The following PFDN1 variants were observed in gnomAD, a reference collection of about 807,000 sequenced individuals.
The protein encoded by PFDN1 is prefoldin 1.
Under a neutral mutation model 17.3 loss-of-function variants are expected in PFDN1, and 6 were observed. That is an observed-to-expected ratio of 0.35 (90% confidence interval 0.19 to 0.69). The LOEUF is 0.69. Among genes scored for constraint, PFDN1 ranks in the 30% least tolerant of loss-of-function variants. The pLI, the probability that PFDN1 is intolerant of heterozygous loss-of-function variation, is 0.65. For synonymous variants in PFDN1, 58 were observed against 50.1 expected, an observed-to-expected ratio of 1.16 and a Z score of -0.67; for missense variants, 113 against 146.2, an observed-to-expected ratio of 0.77 and a Z score of 1.17.
Position 140,263,747 on chromosome 5 carries a change from C to A in PFDN1, c.286-17690G>T, listed in dbSNP as rs938688560. On this transcript the variant is annotated intron_variant, in intron 3 of 3. Transcript: ENST00000261813. ...TACAATCATGGTAGAAGGAGCCGGG[C>A]GTGGTGGCTCATGCCTGTAATCCCA... is the stretch of plus-strand genomic sequence containing the variant. 2.6e-5 allele frequency among the ~76,000 whole-genome samples: 4 copies of A among 151,902 alleles called. No homozygotes were observed. In the East Asian group the frequency reaches 7.7e-4, roughly 29 times the overall value.
At chr5:140,294,151 T>C (rs1441942973) in intron 2 of PFDN1, among the ~76,000 whole-genome samples, 3 of 152,086 alleles carry the variant, frequency 2.0e-5, no homozygotes, top group Non-Finnish European at 2.9e-5. Flanking sequence ...AAATTGGCAT[T>C]TGCAATGTGA....
intron 3 of PFDN1, among the ~76,000 whole-genome samples, chr5:140,252,596 T>C (rs1764929131): frequency 6.6e-6 from 1 of 152,144 alleles, no homozygotes; most frequent in Non-Finnish European, 1.5e-5. Flanking sequence ...AAAGCCTCAC[T>C]AATTCTCGTG....
At chr5:140,270,370 G>C (rs1318032460) in intron 3 of PFDN1, among the ~76,000 whole-genome samples, 2 of 152,120 alleles carry the variant, frequency 1.3e-5, no homozygotes, top group Non-Finnish European at 2.9e-5. Context: ...GGATAGTTGG[G>C]TATGGGGACA....
chr5:140,253,928 T>C (rs1465966671), intron 3 of PFDN1, among the ~76,000 whole-genome samples: 2 of 152,212 alleles, frequency 1.3e-5, no homozygotes, highest in East Asian at 1.9e-4. Context: ...CCAGAAACCC[T>C]GGGGATGGAC....
At chr5:140,255,539 T>C (rs1764973537) in intron 3 of PFDN1, among the ~76,000 whole-genome samples, 1 of 152,158 alleles carries the variant, frequency 6.6e-6, no homozygotes. Flanking sequence ...CTCAGAAGGC[T>C]AAGGCAGGAG....
intron 1 of PFDN1, among the ~76,000 whole-genome samples, chr5:140,301,824 T>C (rs979118593): frequency 6.6e-6 from 1 of 152,206 alleles, no homozygotes; most frequent in African/African-American, 2.4e-5. Context: ...ATTTTTAGAA[T>C]GCACAATTTT....
chr5:140,246,414 G>A (rs534147178), intron 3 of PFDN1, among the ~76,000 whole-genome samples: 64 of 152,230 alleles, frequency 4.2e-4, no homozygotes, highest in Non-Finnish European at 7.5e-4. Context: ...GCTCCTGTCC[G>A]TAACAGACTA....
intron 3 of PFDN1, among the ~76,000 whole-genome samples, chr5:140,275,043 T>C (rs1370688138): frequency 2.0e-5 from 3 of 151,842 alleles, no homozygotes; most frequent in Admixed American, 6.6e-5. Flanking sequence ...TCTTTATTCT[T>C]TGTACAATTC....
chr5:140,291,482 C>T (rs1260645181), intron 2 of PFDN1, among the ~76,000 whole-genome samples: 1 of 151,886 alleles, frequency 6.6e-6, no homozygotes, highest in Non-Finnish European at 1.5e-5. Context: ...TTTATCTTGG[C>T]CAAGCTAATT....
At position 140,245,477 on chromosome 5, in the gene PFDN1, A is replaced by G. The variant is rs1764815456; in HGVS notation, c.*497T>C. 1.4e-6 allele frequency: 1 copy of G among 702,608 alleles called. No individual in the cohort carries two copies. Among genetic ancestry groups the G allele is most frequent in the African/African-American group, 1.7e-5 (1 of 57,370 alleles). 43.5% of individuals were successfully genotyped at this position (702,608 alleles called of 1,614,324 possible). A position where few individuals can be genotyped will look rare whatever the true frequency, so the allele number is the denominator to read the frequency against. On this transcript the variant is annotated 3_prime_UTR_variant, in exon 4 of 4. Coordinates refer to ENST00000261813, the MANE Select transcript of PFDN1 (RefSeq NM_002622.5). The stretch of plus-strand genomic sequence containing the variant: ...CATGCAGGCCCGGAAGCTGAGCGTT[A>G]GTCAAAGGTACAGGAAGGGAAAAGA...
intron 2 of PFDN1, among the ~76,000 whole-genome samples, chr5:140,289,401 A>T (rs973777940): frequency 1.3e-5 from 2 of 152,224 alleles, no homozygotes; most frequent in Admixed American, 1.3e-4. Flanking sequence ...ATACCTAGAC[A>T]AAAGCAATCT....
At chr5:140,290,975 T>C (rs1338497859) in intron 2 of PFDN1, among the ~76,000 whole-genome samples, 1 of 152,176 alleles carries the variant, frequency 6.6e-6, no homozygotes, top group Non-Finnish European at 1.5e-5. Flanking sequence ...GTTAGGTGTA[T>C]ACTTTTAAAT....
intron 3 of PFDN1, among the ~76,000 whole-genome samples, chr5:140,264,372 G>T (rs1765107926): frequency 6.6e-6 from 1 of 152,176 alleles, no homozygotes; most frequent in African/African-American, 2.4e-5. Flanking sequence ...GGCAGTCAGG[G>T]TTCAAATTCA....
chr5:140,248,001 T>A (rs894831757), intron 3 of PFDN1, among the ~76,000 whole-genome samples: 6 of 152,228 alleles, frequency 3.9e-5, no homozygotes, highest in Non-Finnish European at 5.9e-5. Context: ...TTTAATTACA[T>A]TGCTAAACCA....
intron 2 of PFDN1, among the ~76,000 whole-genome samples, chr5:140,299,751 A>G (rs1468810948): frequency 1.3e-5 from 2 of 152,012 alleles, no homozygotes; most frequent in African/African-American, 4.8e-5. Flanking sequence ...GTGGTGACTC[A>G]TATCTGTAAT....
At chr5:140,251,094 C>T (rs970335613) in intron 3 of PFDN1, among the ~76,000 whole-genome samples, 11 of 152,114 alleles carry the variant, frequency 7.2e-5, no homozygotes, top group Middle Eastern at 3.4e-3. Context: ...TACCACCACA[C>T]CCAGCTAATT....
chr5:140,259,601 A>G (rs1390213415), intron 3 of PFDN1, among the ~76,000 whole-genome samples: 1 of 152,236 alleles, frequency 6.6e-6, no homozygotes, highest in Non-Finnish European at 1.5e-5. Flanking sequence ...TTCTTACAGG[A>G]GCAAGAGATC....
Position 140,245,462 on chromosome 5 carries a change from C to G in PFDN1, c.*512G>C. 1.4e-6 allele frequency: 1 copy of G among 702,562 alleles called. No individual in the cohort carries two copies. The highest frequency in any genetic ancestry group is 2.6e-6 in the Non-Finnish European group (1 of 384,996). 43.5% of individuals were successfully genotyped at this position (702,562 alleles called of 1,614,324 possible). ...CTCTTCTGTCTACTGCATGCAGGCC[C>G]GGAAGCTGAGCGTTAGTCAAAGGTA... On this transcript the variant is annotated 3_prime_UTR_variant, in exon 4 of 4. Coordinates refer to ENST00000261813, the MANE Select transcript of PFDN1 (RefSeq NM_002622.5).
At chr5:140,268,628 G>C (rs534634127) in intron 3 of PFDN1, among the ~76,000 whole-genome samples, 1 of 152,248 alleles carries the variant, frequency 6.6e-6, no homozygotes, top group Admixed American at 6.5e-5. Context: ...CTGGGTGACA[G>C]AGTAAGACTC....
Sources: gnomAD v4.1 joint callset for allele counts (sites outside exome capture counted in the v4.1 genomes callset) on GRCh38, gnomAD v4.1.1 for gene constraint, MANE v1.5 for transcripts, NCBI Gene and HGNC (gene_info 2026-07-23, HGNC 2026-07-21) for gene names.